Variants in ZNF229 observed in about 807,000 individuals in gnomAD.
ZNF229 encodes the protein zinc finger protein 229.
In ZNF229, 10 loss-of-function variants were observed where a neutral mutation model predicts 11.8. The ratio of observed to expected loss-of-function variants is 0.85; its 90% confidence interval spans 0.52 to 1.44. The LOEUF (loss-of-function observed/expected upper bound fraction) is 1.44. Ranked by LOEUF, ZNF229 falls within the 40% of genes most tolerant of loss-of-function variation. The probability of loss-of-function intolerance (pLI) is 0.00; values close to 1 mark genes in which losing one functional copy is unlikely to be tolerated. For synonymous variants in ZNF229, 368 were observed against 374.8 expected (o/e 0.98, Z 0.21); for missense variants, 1,045 against 1,015.1 (o/e 1.03, Z -0.40).
intron 4 of ZNF229, among the ~76,000 whole-genome samples, chr19:44,440,729 T>C (rs1971894080): frequency 1.3e-5 from 1 of 76,100 alleles, no homozygotes. Context: ...CCAACATTCT[T>C]TTTTTTTTTT....
chr19:44,428,352 C>T lies in ZNF229; in HGVS notation c.2429G>A (p.Gly810Asp), dbSNP rs765143690. The T allele has an allele frequency of 1.2e-6, 2 of 1,613,972 alleles. No homozygotes were observed. The highest frequency in any genetic ancestry group is 2.2e-5 in the East Asian group (1 of 44,882). Residue 810 changes from glycine to aspartate, a missense_variant, in exon 6 of 6, where the codon GGT (glycine) becomes GAT (aspartate). Coordinates refer to ENST00000614049, the MANE Select transcript of ZNF229 (RefSeq NM_014518.4). ...VCGKGFSYTS[G>D]LRNHQRVHLG... ...ATGCACTCTTTGGTGGTTCCGCAGACCTGAGGTATAACTGAAGCCTTTCCC... is the reference window on the plus strand; with the variant it reads ...ATGCACTCTTTGGTGGTTCCGCAGATCTGAGGTATAACTGAAGCCTTTCCC...
rs778573684 is a variant in ZNF229, at chr19:44,442,869, T to C, written c.-22A>G. 1 of 1,609,966 alleles carries C rather than the reference T, an allele frequency of 6.2e-7. No individual in the cohort carries two copies. Among genetic ancestry groups the C allele is most frequent in the East Asian group, 2.2e-5 (1 of 44,854 alleles). ...CCATGGTCTCTTCTGCTAGGTTCTCTGCGAGCAGCAGCAACTGTATTTATT... is the reference window on the plus strand; with the variant it reads ...CCATGGTCTCTTCTGCTAGGTTCTCCGCGAGCAGCAGCAACTGTATTTATT... On this transcript the variant is annotated 5_prime_UTR_variant, in exon 3 of 6. Transcript: ENST00000614049.
chr19:44,436,545 C>T (rs1971817668), intron 4 of ZNF229, among the ~76,000 whole-genome samples: 1 of 152,112 alleles, frequency 6.6e-6, no homozygotes, highest in African/African-American at 2.4e-5. Flanking sequence ...CTTTGTGAGG[C>T]CAAGATGGGA....
rs761303899 is a variant in ZNF229 at position 44,429,113 on chromosome 19, G to A, written c.1668C>T (p.Ser556=). The change falls in exon 6 of 6, where the codon AGC becomes AGT. Residue 556 remains serine (S), a synonymous_variant. Transcript: ENST00000614049. ...KCECGKSFGR[S]SDLHIHQRVH... is the part of the protein sequence containing the mutation. The stretch of plus-strand genomic sequence containing the variant: ...CCCTCTGATGGATGTGGAGGTCGGA[G>A]CTCCGGCCAAAGCTCTTCCCGCACT... 1.9e-6 allele frequency: 3 copies of A among 1,612,080 alleles called. No homozygotes were observed. The highest frequency in any genetic ancestry group is 3.3e-5 in the Admixed American group (2 of 59,862).
At chr19:44,439,198 G>A (rs544616574) in intron 4 of ZNF229, among the ~76,000 whole-genome samples, 3 of 152,292 alleles carry the variant, frequency 2.0e-5, no homozygotes, top group South Asian at 4.1e-4. Context: ...GAAGTCTTCT[G>A]CCTGTGATTA....
chr19:44,442,782 T>TGGGC, intron 3 of ZNF229, 32 bp downstream of exon 3: 1 of 1,545,190 alleles, frequency 6.5e-7, no homozygotes, highest in Non-Finnish European at 8.9e-7. Flanking sequence ...GTTTGGATTC[T>TGGGC]CCCCCCACCC....
rs368339688 is a variant in ZNF229 at position 44,439,128 on chromosome 19, G to A, written c.93+3435C>T. Among the ~76,000 whole-genome samples the A allele has an allele frequency of 8.5e-5, 13 of 152,228 alleles. No homozygotes were observed. The East Asian group carries it at 2.5e-3, about 29-fold the overall frequency. ...TCAGAATTGAACCGAAGGGCACCCA[G>A]CAAAACTGCCACAAAACTGATTGCT... On this transcript the variant is annotated intron_variant, in intron 4 of 5. Coordinates refer to ENST00000614049, the MANE Select transcript of ZNF229 (RefSeq NM_014518.4).
rs376124482 is a variant in ZNF229, at chr19:44,429,268, G to T, written c.1513C>A (p.Gln505Lys). The T allele has an allele frequency of 4.3e-6, 7 of 1,614,000 alleles. No homozygotes were observed. The highest frequency in any genetic ancestry group is 5.9e-6 in the Non-Finnish European group (7 of 1,180,050). The change falls in exon 6 of 6, where the codon CAA becomes AAA. Residue 505 changes from glutamine to lysine, a missense_variant. Gln to Lys is a moderately conservative substitution (Grantham distance 53, BLOSUM62 1). Coordinates refer to ENST00000614049, the MANE Select transcript of ZNF229 (RefSeq NM_014518.4). ...CCCATGTGAACTCTCTGGTGAGCTT[G>T]AAGGTACGAGTTGTGACTGAAACCT... The part of the protein sequence containing the change: ...GKGFSHNSYL[Q>K]AHQRVHMGQH...
At position 44,426,617 on chromosome 19, in the gene ZNF229, T is replaced by C. The variant is rs560402846; in HGVS notation, c.*1686A>G. 5 of 152,308 alleles carry C rather than the reference T, an allele frequency of 3.3e-5. No individual in the cohort carries two copies. The highest frequency in any genetic ancestry group is 3.9e-4 in the East Asian group (2 of 5,190). The allele number at this position is 152,308 out of a possible 1,614,324, so 9.4% of individuals were successfully genotyped here. On this transcript the variant is annotated 3_prime_UTR_variant, in exon 6 of 6. Transcript: ENST00000614049. ...TTCTAGTGGCTTTCCATTGCATACA[T>C]ATGCCTGAACTTATCTAAAAAATTT...
At chr19:44,442,659 G>A in intron 3 of ZNF229, 38 bp from the exon 4 acceptor site, 1 of 1,611,268 alleles carries the variant, frequency 6.2e-7, no homozygotes, top group South Asian at 1.1e-5. Context: ...AGGAGTTGGT[G>A]CTGCCTGAAG....
intron 4 of ZNF229, among the ~76,000 whole-genome samples, chr19:44,441,466 G>A (rs752111266): frequency 9.2e-5 from 14 of 152,018 alleles, no homozygotes; most frequent in Non-Finnish European, 1.8e-4. Context: ...TTAAAATTCT[G>A]CAATGGCTAT....
chr19:44,436,889 T>C (rs1469333624), intron 4 of ZNF229, among the ~76,000 whole-genome samples: 4 of 152,196 alleles, frequency 2.6e-5, no homozygotes, highest in African/African-American at 9.7e-5. Flanking sequence ...TCTGTCTTTG[T>C]ATTTGATATG....
intron 4 of ZNF229, among the ~76,000 whole-genome samples, chr19:44,438,023 C>T (rs2123365688): frequency 6.6e-6 from 1 of 152,258 alleles, no homozygotes; most frequent in Non-Finnish European, 1.5e-5. Context: ...AGGCATTAGG[C>T]TTATTGCCTG....
At position 44,442,992 on chromosome 19, in the gene ZNF229, C is replaced by G. The variant is rs139836279; in HGVS notation, c.-145G>C. 2.6e-4 allele frequency: 244 copies of G among 941,776 alleles called. 2 individuals carry two copies. Among genetic ancestry groups the G allele is most frequent in the South Asian group, 1.0e-3 (69 of 66,646 alleles). The allele number at this position is 941,776 out of a possible 1,614,324, so 58.3% of individuals were successfully genotyped here. On this transcript the variant is annotated 5_prime_UTR_variant, in exon 3 of 6. Coordinates refer to ENST00000614049, the MANE Select transcript of ZNF229 (RefSeq NM_014518.4). ...AAGTTCCTGTCTCCACCTTTACTGTCCAGAGCGCGACTGCTTCCCATGGTC... is the reference window on the plus strand; with the variant it reads ...AAGTTCCTGTCTCCACCTTTACTGTGCAGAGCGCGACTGCTTCCCATGGTC...
intron 5 of ZNF229, chr19:44,431,964 C>T (rs1001075164): frequency 1.6e-5 from 11 of 682,192 alleles, no homozygotes; most frequent in East Asian, 5.7e-5. Context: ...TTCTCTGCTA[C>T]GTGAGGACAC....
rs1260676841 is a variant in ZNF229, at chr19:44,429,767, G to A, written c.1014C>T (p.Asn338=). 2.5e-6 allele frequency: 4 copies of A among 1,614,036 alleles called. No homozygotes were observed. In the Admixed American group the frequency reaches 5.0e-5, roughly 20 times the overall value. ...RGVRQNTHIR[N]HPRAPVGDMP... ...TGTCTCCCACAGGGGCTCTGGGGTG[G>A]TTACGTATGTGCGTGTTCTGTCTGA... is the stretch of plus-strand genomic sequence containing the variant. The change falls in exon 6 of 6, where the codon AAC becomes AAT. Residue 338 remains asparagine, a synonymous_variant. Coordinates refer to ENST00000614049, the MANE Select transcript of ZNF229 (RefSeq NM_014518.4).
At chr19:44,439,091 G>A (rs116724969) in intron 4 of ZNF229, among the ~76,000 whole-genome samples, 220 of 152,152 alleles carry the variant, frequency 1.4e-3, no homozygotes, top group African/African-American at 5.0e-3. Context: ...CACTACCTCC[G>A]GGCAGACAGT....
At chr19:44,437,156 A>G (rs1359687562) in intron 4 of ZNF229, among the ~76,000 whole-genome samples, 1 of 152,100 alleles carries the variant, frequency 6.6e-6, no homozygotes, top group Non-Finnish European at 1.5e-5. Flanking sequence ...GACCTTGCTG[A>G]TGAGAAAAAC....
chr19:44,436,948 A>G (rs542783826), intron 4 of ZNF229, among the ~76,000 whole-genome samples: 16 of 151,930 alleles, frequency 1.1e-4, no homozygotes, highest in African/African-American at 3.9e-4. Flanking sequence ...ATATATTTAC[A>G]TGTACAAACA....
Sources: allele counts gnomAD v4.1 joint callset (sites outside exome capture counted in the v4.1 genomes callset), GRCh38; gene constraint gnomAD v4.1.1; transcripts MANE v1.5; gene names NCBI Gene and HGNC (gene_info 2026-07-23, HGNC 2026-07-21).